Variants in PLCB1 observed in about 807,000 individuals in gnomAD.
The protein encoded by PLCB1 is phospholipase C beta 1.
Under a neutral mutation model 161.8 loss-of-function variants are expected in PLCB1, and 46 were observed. The ratio of observed to expected loss-of-function variants is 0.28; its 90% CI spans 0.22 to 0.36. The LOEUF is 0.36. Among genes scored for constraint, PLCB1 ranks in the 10% least tolerant of loss-of-function variants. The probability of loss-of-function intolerance (pLI) is 1.00; values close to 1 mark genes in which losing one functional copy is unlikely to be tolerated. For missense variants in PLCB1, 1,016 were observed against 1,472.5 expected, an observed-to-expected ratio of 0.69 and a Z score of 5.07; for synonymous variants, 517 against 503.7, an observed-to-expected ratio of 1.03 and a Z score of -0.35.
At chr20:8,617,253 T>C (rs988357862) in intron 3 of PLCB1, among the ~76,000 whole-genome samples, 2 of 152,318 alleles carry the variant, frequency 1.3e-5, no homozygotes, top group East Asian at 1.9e-4. Context: ...TTGCTACAGA[T>C]TGATACACAC....
intron 9 of PLCB1, among the ~76,000 whole-genome samples, chr20:8,671,277 G>A (rs1011776687): frequency 6.6e-6 from 1 of 152,144 alleles, no homozygotes; most frequent in Non-Finnish European, 1.5e-5. Context: ...GTGTTTAGCT[G>A]TTTTTATTTT....
At chr20:8,670,776 C>A (rs1265466690) in intron 9 of PLCB1, among the ~76,000 whole-genome samples, 1 of 152,154 alleles carries the variant, frequency 6.6e-6, no homozygotes, top group Admixed American at 6.6e-5. Context: ...GAGAAGGGAA[C>A]ATTTAGATTA....
At chr20:8,848,825 A>G (rs16995324) in intron 31 of PLCB1, among the ~76,000 whole-genome samples, 5,146 of 152,330 alleles carry the variant, frequency 0.034, 309 homozygotes, top group African/African-American at 0.12. Context: ...CACAGGGTGC[A>G]CTTAGAAAGA....
intron 31 of PLCB1, among the ~76,000 whole-genome samples, chr20:8,871,715 C>G (rs936380930): frequency 1.3e-5 from 2 of 152,106 alleles, no homozygotes; most frequent in African/African-American, 4.8e-5. Flanking sequence ...AGAAATCCAC[C>G]AAGTACCATA....
intron 31 of PLCB1, among the ~76,000 whole-genome samples, chr20:8,795,199 C>A (rs1419370819): frequency 1.3e-5 from 2 of 152,130 alleles, no homozygotes; most frequent in Admixed American, 6.5e-5. Flanking sequence ...GCACTAGGAT[C>A]TTTTCATGTG....
chr20:8,591,558 A>G (rs1987150498), intron 3 of PLCB1, among the ~76,000 whole-genome samples: 1 of 152,172 alleles, frequency 6.6e-6, no homozygotes, highest in Non-Finnish European at 1.5e-5. Flanking sequence ...TGCTTGCCCA[A>G]GTAGAATGTC....
At chr20:8,873,845 TG>T (rs1231280099) in intron 31 of PLCB1, among the ~76,000 whole-genome samples, 3 of 152,078 alleles carry the variant, frequency 2.0e-5, no homozygotes, top group Non-Finnish European at 2.9e-5. Flanking sequence ...ATGTTTTTGC[TG>T]TTTCTTGGCT....
chr20:8,450,271 CTT>C (rs1349281281), intron 3 of PLCB1, among the ~76,000 whole-genome samples: 10 of 152,154 alleles, frequency 6.6e-5, no homozygotes, highest in Admixed American at 2.0e-4. Flanking sequence ...CACGAAGTCT[CTT>C]TTCATCTATT....
At chr20:8,291,781 G>A (rs542157258) in intron 2 of PLCB1, among the ~76,000 whole-genome samples, 9 of 152,220 alleles carry the variant, frequency 5.9e-5, no homozygotes, top group Admixed American at 4.6e-4. Flanking sequence ...CCATTTTACA[G>A]ATGGGGAAGT....
chr20:8,173,106 A>G (rs947831843), intron 2 of PLCB1, among the ~76,000 whole-genome samples: 7 of 152,150 alleles, frequency 4.6e-5, no homozygotes, highest in Non-Finnish European at 7.4e-5. Flanking sequence ...AAGAGATACA[A>G]CACAGGGTCA....
intron 3 of PLCB1, among the ~76,000 whole-genome samples, chr20:8,537,138 T>C (rs762268926): frequency 1.9e-4 from 29 of 152,270 alleles, no homozygotes; most frequent in Middle Eastern, 6.8e-3. Context: ...GAAGACGAGA[T>C]AGAGGCAAGT....
At chr20:8,430,164 C>G (rs1979972742) in intron 3 of PLCB1, among the ~76,000 whole-genome samples, 1 of 151,736 alleles carries the variant, frequency 6.6e-6, no homozygotes, top group Non-Finnish European at 1.5e-5. Flanking sequence ...GAAGATAAGC[C>G]CATGAAGGAA....
intron 31 of PLCB1, among the ~76,000 whole-genome samples, chr20:8,796,492 C>T (rs931911402): frequency 6.6e-6 from 1 of 152,164 alleles, no homozygotes; most frequent in Non-Finnish European, 1.5e-5. Flanking sequence ...TTCTTCCTTG[C>T]CAGCACTTAT....
rs542030251 is a variant in PLCB1, at chr20:8,610,324, GTTAA to G, written c.247-17967_247-17964del. 3.4e-3 allele frequency among the ~76,000 whole-genome samples: 518 copies of G among 152,204 alleles called. 3 individuals carry two copies. Among genetic ancestry groups the G allele is most frequent in the African/African-American group, 0.011 (476 of 41,536 alleles). The stretch of plus-strand genomic sequence containing the variant: ...TAGCATATAACAGTACTTCATTGCT[GTTAA>G]TTGTCAAATATTACTCAATTGCATG... On this transcript the variant is annotated intron_variant, in intron 3 of 31. Transcript: ENST00000338037.
intron 14 of PLCB1, among the ~76,000 whole-genome samples, chr20:8,721,708 C>A (rs1469266912): frequency 6.6e-6 from 1 of 152,136 alleles, no homozygotes; most frequent in African/African-American, 2.4e-5. Flanking sequence ...GACAATACAT[C>A]CATCAAATAA....
intron 3 of PLCB1, among the ~76,000 whole-genome samples, chr20:8,607,628 A>G (rs919861534): frequency 6.6e-6 from 1 of 152,008 alleles, no homozygotes; most frequent in African/African-American, 2.4e-5. Context: ...TCCTACCCCA[A>G]TCCACTCATT....
At chr20:8,734,395 A>T (rs1980473740) in intron 19 of PLCB1, among the ~76,000 whole-genome samples, 1 of 151,900 alleles carries the variant, frequency 6.6e-6, no homozygotes, top group Admixed American at 6.6e-5. Flanking sequence ...ACATTCCCTC[A>T]ATAAATTATC....
chr20:8,341,634 C>T (rs1014683681), intron 2 of PLCB1, among the ~76,000 whole-genome samples: 4 of 152,210 alleles, frequency 2.6e-5, no homozygotes, highest in African/African-American at 9.7e-5. Context: ...CTTCCTTCAA[C>T]CTTTGGCCTG....
intron 2 of PLCB1, among the ~76,000 whole-genome samples, chr20:8,231,632 T>G (rs1018460365): frequency 4.6e-5 from 7 of 152,178 alleles, no homozygotes; most frequent in Non-Finnish European, 8.8e-5. Flanking sequence ...TTCTTCTTTC[T>G]TTTATTCTGC....
Sources: gnomAD v4.1 joint callset for allele counts (sites outside exome capture counted in the v4.1 genomes callset) on GRCh38, gnomAD v4.1.1 for gene constraint, MANE v1.5 for transcripts, NCBI Gene and HGNC (gene_info 2026-07-23, HGNC 2026-07-21) for gene names.